Variants in OTOGL observed in about 807,000 individuals in gnomAD.
OTOGL encodes the protein otogelin-like protein.
OTOGL carries 285 observed loss-of-function variants against 318.5 expected under a neutral mutation model. That is an observed-to-expected ratio of 0.89 (90% confidence interval 0.81 to 0.99). OTOGL has a LOEUF of 0.99. Ranked by LOEUF, OTOGL falls within the 50% of genes least tolerant of loss-of-function variation. OTOGL has a pLI of 0.00. For synonymous variants in OTOGL, 987 were observed against 936.5 expected, an observed-to-expected ratio of 1.05 and a Z score of -0.99; for missense variants, 2,899 against 2,845.6, an observed-to-expected ratio of 1.02 and a Z score of -0.43.
chr12:80,202,487 G>A (rs1876529525), intron 1 of OTOGL, among the ~76,000 whole-genome samples: 1 of 152,098 alleles, frequency 6.6e-6, no homozygotes, highest in Non-Finnish European at 1.5e-5. Flanking sequence ...TGGCCAGACA[G>A]GTCTCAAACT....
At chr12:80,100,116 T>C (rs1869049244) in intron 1 of OTOGL, among the ~76,000 whole-genome samples, 1 of 152,204 alleles carries the variant, frequency 6.6e-6, no homozygotes, top group African/African-American at 2.4e-5. Flanking sequence ...CTTCTATCCA[T>C]AATTGGCAGG....
At position 80,249,423 on chromosome 12, in the gene OTOGL, C is replaced by A. The variant is rs180762219; in HGVS notation, c.1053-2270C>A. Among the ~76,000 whole-genome samples the A allele has an allele frequency of 2.2e-3, 339 of 151,322 alleles. 2 individuals are homozygous for A. The highest frequency in any genetic ancestry group is 6.6e-3 in the Admixed American group (100 of 15,264). On this transcript the variant is annotated intron_variant, in intron 11 of 58. Transcript: ENST00000547103. Reference sequence around the variant, plus strand: ...CTGAAGGTCTGTTGGAATACCCTGCCGTGTGAGGTGTCAGTGTGCCCCTGC... The same window carrying A: ...CTGAAGGTCTGTTGGAATACCCTGCAGTGTGAGGTGTCAGTGTGCCCCTGC...
chr12:80,152,377 T>C (rs1015208812), intron 1 of OTOGL, among the ~76,000 whole-genome samples: 1 of 152,206 alleles, frequency 6.6e-6, no homozygotes, highest in African/African-American at 2.4e-5. Flanking sequence ...TTATGCTTCA[T>C]TCTTTGCTAA....
chr12:80,334,593 A>G (rs954754545), intron 38 of OTOGL, among the ~76,000 whole-genome samples: 2 of 152,168 alleles, frequency 1.3e-5, no homozygotes, highest in African/African-American at 4.8e-5. Context: ...AGAAGATGAC[A>G]GACATGCAAA....
chr12:80,347,886 T>C (rs778881030), intron 44 of OTOGL, among the ~76,000 whole-genome samples: 82 of 152,368 alleles, frequency 5.4e-4, no homozygotes, highest in African/African-American at 1.8e-3. Context: ...CTGAACCTTT[T>C]TTTCATATGT....
At chr12:80,266,108 T>G in intron 20 of OTOGL, 1 of 180,122 alleles carries the variant, frequency 5.6e-6, no homozygotes. Context: ...GTCATGCCCA[T>G]TTGTCTGTGT....
At chr12:80,175,460 C>G (rs1483890712) in intron 1 of OTOGL, among the ~76,000 whole-genome samples, 1 of 152,174 alleles carries the variant, frequency 6.6e-6, no homozygotes, top group East Asian at 1.9e-4. Flanking sequence ...ACTGAAGTCA[C>G]TTGTAGCATT....
chr12:80,188,636 CAAAGG>C (rs1418722381), intron 1 of OTOGL, among the ~76,000 whole-genome samples: 1 of 151,552 alleles, frequency 6.6e-6, no homozygotes, highest in African/African-American at 2.4e-5. Context: ...CCATAAAAAA[CAAAGG>C]AAACTCCCTC....
In OTOGL at chr12:80,305,856, T is replaced by C. The variant is rs183918763; in HGVS notation, c.3333+161T>C. 6.3e-3 allele frequency among the ~76,000 whole-genome samples: 953 copies of C among 152,322 alleles called. 4 individuals are homozygous for C. The highest frequency in any genetic ancestry group is 0.022 in the African/African-American group (905 of 41,560). On this transcript the variant is annotated intron_variant, in intron 29 of 58. Transcript: ENST00000547103. ...TATTTATCTTCTCATGTAATTTTTC[T>C]GATTACCTTATCATATAAAGGATGT...
chr12:80,108,785 A>G (rs11114318), intron 1 of OTOGL, among the ~76,000 whole-genome samples: 50 of 79,554 alleles, frequency 6.3e-4, no homozygotes, highest in South Asian at 2.2e-3. Flanking sequence ...ATATATATAT[A>G]TGTATATATA....
At chr12:80,153,248 T>C (rs982269800) in intron 1 of OTOGL, among the ~76,000 whole-genome samples, 1 of 152,170 alleles carries the variant, frequency 6.6e-6, no homozygotes, top group Admixed American at 6.5e-5. Context: ...TTCTGGTTCA[T>C]AGACAGCCAT....
At chr12:80,334,623 A>G (rs907898101) in intron 38 of OTOGL, among the ~76,000 whole-genome samples, 3 of 152,186 alleles carry the variant, frequency 2.0e-5, no homozygotes, top group African/African-American at 7.2e-5. Flanking sequence ...CCAGAGAAAT[A>G]GGAGAAAATG....
rs138970850 is a variant in OTOGL, at chr12:80,377,167, G to T, written c.6826G>T (p.Val2276Phe). 6.2e-7 allele frequency: 1 copy of T among 1,609,784 alleles called. No homozygotes were observed. Among genetic ancestry groups the T allele is most frequent in the Non-Finnish European group, 8.5e-7 (1 of 1,177,514 alleles). The change falls in exon 58 of 59, where the codon GTC becomes TTC. Residue 2276 changes from valine (V) to phenylalanine (F), a missense_variant. Coordinates refer to ENST00000547103, the MANE Select transcript of OTOGL (RefSeq NM_001378609.3). ...RICQKVIIKS[V>F]IRKQDCMSQS... Reference sequence around the variant, plus strand: ...ATGCCAGAAAGTGATCATTAAATCGGTCATAAGGAAACAGGACTGTATGAG... The same window carrying T: ...ATGCCAGAAAGTGATCATTAAATCGTTCATAAGGAAACAGGACTGTATGAG...
intron 11 of OTOGL, among the ~76,000 whole-genome samples, chr12:80,241,403 C>A: frequency 6.6e-6 from 1 of 151,966 alleles, no homozygotes; most frequent in East Asian, 1.9e-4. Context: ...TTTTAAAATT[C>A]TATTCCCTAT....
At position 80,287,662 on chromosome 12, in the gene OTOGL, G is replaced by GT. The variant is rs1337410699; in HGVS notation, c.2928+8497dup. Among the ~76,000 whole-genome samples the GT allele has an allele frequency of 1.7e-4, 26 of 151,788 alleles. No homozygotes were observed. The East Asian group carries it at 1.7e-3, about 10-fold the overall frequency. Reference sequence around the variant, plus strand: ...TTTACCATTAAGTATATCTTTCTTTGTCTTTTTTGATCTTTGTTGGTTTAG... The same window carrying GT: ...TTTACCATTAAGTATATCTTTCTTTGTTCTTTTTTGATCTTTGTTGGTTTAG... On this transcript the variant is annotated intron_variant, in intron 26 of 58. Coordinates refer to ENST00000547103, the MANE Select transcript of OTOGL (RefSeq NM_001378609.3).
intron 18 of OTOGL, among the ~76,000 whole-genome samples, chr12:80,258,592 A>G (rs1415141035): frequency 6.6e-6 from 1 of 152,160 alleles, no homozygotes; most frequent in Non-Finnish European, 1.5e-5. Context: ...TGTGAAAAGA[A>G]GCAGTTTATA....
rs575090707 is a variant in OTOGL at position 80,220,603 on chromosome 12, G to A, written c.334+691G>A. On this transcript the variant is annotated intron_variant, in intron 6 of 58. Transcript: ENST00000547103. ...AAAAATAGTACTGAGACTTCTTCGA[G>A]GGCAAGGGCTTTTTTTTTTTTTTTT... Among the ~76,000 whole-genome samples the A allele has an allele frequency of 7.7e-5, 9 of 116,796 alleles. No homozygotes were observed. In the East Asian group the frequency reaches 1.6e-3, roughly 21 times the overall value. 76.6% of individuals were successfully genotyped at this position (116,796 alleles called of 152,430 possible).
chr12:80,303,010 A>C lies in OTOGL; in HGVS notation c.3213+227A>C, dbSNP rs146488340. Among the ~76,000 whole-genome samples, 680 of 152,288 alleles carry C rather than the reference A, an allele frequency of 4.5e-3. 4 individuals are homozygous for C. The highest frequency in any genetic ancestry group is 0.016 in the East Asian group (81 of 5,184). ...AGTATCCAGTTTTCCAAGATTACTT[A>C]AGCCAGCTTTCTTCTTCTCTTTTTC... is the stretch of plus-strand genomic sequence containing the variant. On this transcript the variant is annotated intron_variant, in intron 28 of 58. Coordinates refer to ENST00000547103, the MANE Select transcript of OTOGL (RefSeq NM_001378609.3).
chr12:80,255,164 A>T lies in OTOGL; in HGVS notation c.1566A>T (p.Leu522Phe). 1 of 1,517,514 alleles carries T rather than the reference A, an allele frequency of 6.6e-7. No homozygotes were observed. Among genetic ancestry groups the T allele is most frequent in the South Asian group, 1.3e-5 (1 of 75,328 alleles). 94.0% of individuals were successfully genotyped at this position (1,517,514 alleles called of 1,614,324 possible). The change falls in exon 16 of 59, where the codon TTA becomes TTT. Residue 522 changes from leucine (L) to phenylalanine (F), a missense_variant. Around this residue, in one of 3 missense-constraint regions of OTOGL, gnomAD observed 2,607 missense variants for 2,524.9 expected, o/e 1.03. Coordinates refer to ENST00000547103, the MANE Select transcript of OTOGL (RefSeq NM_001378609.3). ...GAAAAGATAAATTCACGATTACTTT[A>T]CAGAAAGCTCCCTGTGAGCAGGTAA... is the stretch of plus-strand genomic sequence containing the variant. ...GTGKDKFTIT[L>F]QKAPCEQNLG...
Sources: allele counts gnomAD v4.1 joint callset (sites outside exome capture counted in the v4.1 genomes callset), GRCh38; gene constraint gnomAD v4.1.1; regional missense constraint gnomAD v4.1.1; transcripts MANE v1.5; gene names NCBI Gene and HGNC (gene_info 2026-07-23, HGNC 2026-07-21).